HEXIM2: variants seen among roughly 807,000 people sequenced by gnomAD.
HEXIM2 encodes the protein HEXIM P-TEFb complex subunit 2, also known as protein HEXIM2.
For synonymous variants in HEXIM2, 159 were observed against 162.7 expected (o/e 0.98, Z 0.17); for missense variants, 413 against 390.8 (o/e 1.06, Z -0.48).
chr17:45,169,518 G>A lies in HEXIM2; in HGVS notation c.570G>A (p.Arg190=). Residue 190 remains arginine (R), a synonymous_variant, in exon 4 of 4, where the codon CGG becomes CGA. Coordinates refer to ENST00000589230, the MANE Select transcript of HEXIM2 (RefSeq NM_001303441.2). The part of the protein sequence containing the change: ...GRGRAHGEFQ[R]KDFSETYERF... Reference sequence around the variant, plus strand: ...GCCGAGCGCACGGTGAGTTCCAGCGGAAGGACTTCTCTGAGACTTACGAAC... The same window carrying A: ...GCCGAGCGCACGGTGAGTTCCAGCGAAAGGACTTCTCTGAGACTTACGAAC... 6.2e-7 allele frequency: 1 copy of A among 1,602,394 alleles called. No homozygotes were observed. Among genetic ancestry groups the A allele is most frequent in the Non-Finnish European group, 8.5e-7 (1 of 1,174,648 alleles).
At chr17:45,164,922 A>C (rs149422879) in intron 3 of HEXIM2, among the ~76,000 whole-genome samples, 7 of 152,242 alleles carry the variant, frequency 4.6e-5, no homozygotes, top group African/African-American at 1.4e-4. Context: ...AATTCATGAC[A>C]TGTCAGGGCT....
Position 45,169,637 on chromosome 17 carries a change from A to G in HEXIM2, c.689A>G (p.Glu230Gly), listed in dbSNP as rs369009904. Residue 230 changes from glutamate (E) to glycine (G), a missense_variant, in exon 4 of 4, where the codon GAG becomes GGG. Transcript: ENST00000589230. ...AAGCGGCTGTCGCAGGCGGAGGAGG[A>G]GACTAGGAGGCTGCAGCAGCTGCAG... is the stretch of plus-strand genomic sequence containing the variant. Reference protein sequence around the residue: ...LEKRLSQAEEETRRLQQLQAC... With the variant: ...LEKRLSQAEEGTRRLQQLQAC... 1.3e-6 allele frequency: 2 copies of G among 1,531,708 alleles called. No homozygotes were observed. Among genetic ancestry groups the G allele is most frequent in the Non-Finnish European group, 1.8e-6 (2 of 1,137,326 alleles). 94.9% of individuals were successfully genotyped at this position (1,531,708 alleles called of 1,614,324 possible).
chr17:45,163,750 G>A (rs1322194845), intron 3 of HEXIM2, among the ~76,000 whole-genome samples: 1 of 152,010 alleles, frequency 6.6e-6, no homozygotes, highest in Non-Finnish European at 1.5e-5. Flanking sequence ...TCAGGAGGCT[G>A]ATGCACCAGA....
chr17:45,164,325 C>T (rs990446940), intron 3 of HEXIM2, among the ~76,000 whole-genome samples: 4 of 152,106 alleles, frequency 2.6e-5, no homozygotes, highest in African/African-American at 9.7e-5. Context: ...CGTGGTGGCA[C>T]ATTTCTATAA....
At chr17:45,162,455 C>A (rs989392518) in intron 1 of HEXIM2, 33 bp from the exon 2 acceptor site, 1 of 1,096,424 alleles carries the variant, frequency 9.1e-7, no homozygotes, top group Non-Finnish European at 1.1e-6. Context: ...ACCTGGCTTC[C>A]TGGCTGCCAA....
chr17:45,161,038 G>A (rs913868305), upstream of HEXIM2: 3 of 1,050,760 alleles, frequency 2.9e-6, no homozygotes, highest in South Asian at 1.3e-5. Flanking sequence ...CCTCCCCCGC[G>A]GCGCCAGCCT....
At chr17:45,168,738 C>A in intron 3 of HEXIM2, 1 of 409,672 alleles carries the variant, frequency 2.4e-6, no homozygotes, top group Non-Finnish European at 4.4e-6. Flanking sequence ...TTATGGAACT[C>A]CTACTCAGTG....
At chr17:45,164,509 T>C (rs954454814) in intron 3 of HEXIM2, among the ~76,000 whole-genome samples, 3 of 151,714 alleles carry the variant, frequency 2.0e-5, no homozygotes, top group African/African-American at 7.3e-5. Flanking sequence ...TGGTGGTGCA[T>C]GCCTGTAATC....
intron 3 of HEXIM2, among the ~76,000 whole-genome samples, chr17:45,166,531 T>C (rs937814065): frequency 3.3e-5 from 5 of 152,240 alleles, no homozygotes; most frequent in African/African-American, 2.4e-5. Context: ...CATAGGAATA[T>C]AGTGGTGACT....
Position 45,161,925 on chromosome 17 carries a change from C to A in HEXIM2, c.-299C>A. 1.0e-6 allele frequency: 1 copy of A among 985,620 alleles called. No homozygotes were observed. The highest frequency in any genetic ancestry group is 1.1e-4 in the East Asian group (1 of 8,820). The allele number at this position is 985,620 out of a possible 1,614,324, so 61.1% of individuals were successfully genotyped here. On this transcript the variant is annotated 5_prime_UTR_variant, in exon 1 of 4. Coordinates refer to ENST00000589230, the MANE Select transcript of HEXIM2 (RefSeq NM_001303441.2). ...CTGAGCGGCTTGACCAGAGCTGCTGCAACTGCAGCAAGAGGTAGGGCTCAG... is the reference window on the plus strand; with the variant it reads ...CTGAGCGGCTTGACCAGAGCTGCTGAAACTGCAGCAAGAGGTAGGGCTCAG...
chr17:45,165,379 C>T (rs779784327), intron 3 of HEXIM2, among the ~76,000 whole-genome samples: 9 of 152,170 alleles, frequency 5.9e-5, no homozygotes, highest in Admixed American at 1.3e-4. Context: ...GCCGCGCATA[C>T]ACCACATTCC....
intron 3 of HEXIM2, among the ~76,000 whole-genome samples, chr17:45,166,501 A>G (rs974252056): frequency 6.6e-6 from 1 of 152,190 alleles, no homozygotes; most frequent in African/African-American, 2.4e-5. Flanking sequence ...ATATTTACTG[A>G]GCACTGCCCT....
At chr17:45,160,953 G>T, upstream of HEXIM2, 1 of 1,289,718 alleles carries the variant, frequency 7.8e-7, no homozygotes, top group Non-Finnish European at 1.0e-6. Context: ...GGTAAGGTGG[G>T]TGCACTGGGA....
Position 45,169,082 on chromosome 17 carries a change from T to C in HEXIM2, c.134T>C (p.Leu45Pro), listed in dbSNP as rs143018255. The C allele has an allele frequency of 1.1e-5, 18 of 1,614,018 alleles. No individual in the cohort carries two copies. The highest frequency in any genetic ancestry group is 1.5e-5 in the Non-Finnish European group (18 of 1,180,016). ...ERHDSGGSLP[L>P]TPRMESHSED... ...CATGACTCTGGTGGTTCCCTGCCCC[T>C]GACACCGCGGATGGAGAGCCACTCA... The change falls in exon 4 of 4, where the codon CTG becomes CCG. Residue 45 changes from leucine to proline, a missense_variant. By Grantham distance (98) the Leu-to-Pro change is moderately conservative. Coordinates refer to ENST00000589230, the MANE Select transcript of HEXIM2 (RefSeq NM_001303441.2).
chr17:45,160,742 C>A, upstream of HEXIM2: 1 of 419,614 alleles, frequency 2.4e-6, no homozygotes. Context: ...CATGCTAGGT[C>A]AGGTTGTCCG....
At position 45,169,727 on chromosome 17, in the gene HEXIM2, G is replaced by A. The variant is rs541059400; in HGVS notation, c.779G>A (p.Arg260Gln). The A allele has an allele frequency of 8.5e-5, 128 of 1,506,946 alleles. 1 individual carries two copies. The highest frequency in any genetic ancestry group is 8.4e-4 in the South Asian group (67 of 79,828). 93.3% of individuals were successfully genotyped at this position (1,506,946 alleles called of 1,614,324 possible). Residue 260 changes from arginine to glutamine, a missense_variant, in exon 4 of 4, where the codon CGG (arginine) becomes CAG (glutamine). Coordinates refer to ENST00000589230, the MANE Select transcript of HEXIM2 (RefSeq NM_001303441.2). ...CTGGCTGCCGAGGTCCAGAGGCTCC[G>A]GACCGAAAACCAGCGGCTTCGTCAG... is the stretch of plus-strand genomic sequence containing the variant. ...EELAAEVQRL[R>Q]TENQRLRQEN...
In HEXIM2 at chr17:45,169,488, G is replaced by A. The variant is rs770551639; in HGVS notation, c.540G>A (p.Gly180=). 2 of 1,612,710 alleles carry A rather than the reference G, an allele frequency of 1.2e-6. No individual in the cohort carries two copies. Among genetic ancestry groups the A allele is most frequent in the Admixed American group, 3.3e-5 (2 of 59,830 alleles). Residue 180 remains glycine (G), a synonymous_variant, in exon 4 of 4, where the codon GGG becomes GGA. Transcript: ENST00000589230. ...SGESEAGDSD[G]RGRAHGEFQR... ...AGAGTGAGGCCGGGGACAGTGATGG[G>A]CGGGGCCGAGCGCACGGTGAGTTCC...
chr17:45,166,076 C>T (rs546610782), intron 3 of HEXIM2, among the ~76,000 whole-genome samples: 10 of 152,006 alleles, frequency 6.6e-5, no homozygotes, highest in Admixed American at 1.3e-4. Flanking sequence ...GGATTACAGG[C>T]GTGAGCCACC....
At chr17:45,162,070 C>T (rs949020641) in intron 1 of HEXIM2, 39 bp downstream of exon 1, 10 of 931,194 alleles carry the variant, frequency 1.1e-5, no homozygotes, top group African/African-American at 5.4e-5. Context: ...CCATGACTGT[C>T]TCCCTTCTTC....
Sources: allele counts gnomAD v4.1 joint callset (sites outside exome capture counted in the v4.1 genomes callset), GRCh38; gene constraint gnomAD v4.1.1; transcripts MANE v1.5; gene names NCBI Gene and HGNC (gene_info 2026-07-23, HGNC 2026-07-21).